ERBB4: variants seen among roughly 807,000 people sequenced by gnomAD.
ERBB4 encodes receptor tyrosine-protein kinase erbB-4.
Under a neutral mutation model 158.0 loss-of-function variants are expected in ERBB4, and 42 were observed. That is an observed-to-expected ratio of 0.27 (90% CI 0.21 to 0.34). ERBB4 has a LOEUF of 0.34. Ranked by LOEUF, ERBB4 falls within the 10% of genes least tolerant of loss-of-function variation. The probability of loss-of-function intolerance (pLI) is 1.00; values close to 1 mark genes in which losing one functional copy is unlikely to be tolerated. For synonymous variants in ERBB4, 583 were observed against 558.7 expected, an observed-to-expected ratio of 1.04 and a Z score of -0.61; for missense variants, 1,333 against 1,624.1, an observed-to-expected ratio of 0.82 and a Z score of 3.08.
intron 1 of ERBB4, among the ~76,000 whole-genome samples, chr2:212,483,070 C>A (rs1227928391): frequency 6.6e-6 from 1 of 152,164 alleles, no homozygotes; most frequent in African/African-American, 2.4e-5. Context: ...GCCAGAGAGG[C>A]CAATCATTTC....
At chr2:211,473,254 A>C (rs1377741913) in intron 20 of ERBB4, among the ~76,000 whole-genome samples, 1 of 152,230 alleles carries the variant, frequency 6.6e-6, no homozygotes, top group South Asian at 2.1e-4. Context: ...GAATGTTGGC[A>C]GCCACTGGAA....
chr2:211,887,882 G>A (rs1220412331), intron 3 of ERBB4, among the ~76,000 whole-genome samples: 1 of 152,162 alleles, frequency 6.6e-6, no homozygotes, highest in Non-Finnish European at 1.5e-5. Flanking sequence ...CATTATTGCT[G>A]AATAAATGAT....
rs112218119 is a variant in ERBB4 at position 211,687,283 on chromosome 2, T to C, written c.1490-8099A>G. ...TCGCACCACTGCACTCCAGCCTGGG[T>C]GACAGAGCAAGACTCCGTCTCAAAA... On this transcript the variant is annotated intron_variant, in intron 12 of 27. Coordinates refer to ENST00000342788, the MANE Select transcript of ERBB4 (RefSeq NM_005235.3). Among the ~76,000 whole-genome samples, 926 of 135,148 alleles carry C rather than the reference T, an allele frequency of 6.9e-3. 12 individuals are homozygous for C. The highest frequency in any genetic ancestry group is 0.024 in the African/African-American group (865 of 35,482). 88.7% of individuals were successfully genotyped at this position (135,148 alleles called of 152,430 possible).
intron 1 of ERBB4, among the ~76,000 whole-genome samples, chr2:212,466,754 C>T (rs927298569): frequency 3.3e-5 from 5 of 152,260 alleles, no homozygotes; most frequent in African/African-American, 1.2e-4. Flanking sequence ...AGAAAAGATA[C>T]CCCAAAATGT....
intron 1 of ERBB4, among the ~76,000 whole-genome samples, chr2:212,302,221 T>C (rs1422455523): frequency 1.3e-5 from 2 of 151,508 alleles, no homozygotes; most frequent in Non-Finnish European, 3.0e-5. Flanking sequence ...TGGGGTTTTA[T>C]ATCTAGATCA....
At chr2:211,572,540 G>A (rs1021628729) in intron 19 of ERBB4, among the ~76,000 whole-genome samples, 17 of 152,154 alleles carry the variant, frequency 1.1e-4, no homozygotes, top group African/African-American at 3.9e-4. Flanking sequence ...AATACTGAAT[G>A]AAGAACAGAG....
chr2:212,232,565 C>A (rs1017884969), intron 1 of ERBB4, among the ~76,000 whole-genome samples: 1 of 152,244 alleles, frequency 6.6e-6, no homozygotes, highest in African/African-American at 2.4e-5. Context: ...CCTGCCACCA[C>A]GCCTGGCTAA....
chr2:211,846,946 T>C (rs1340163076), intron 3 of ERBB4, among the ~76,000 whole-genome samples: 1 of 152,132 alleles, frequency 6.6e-6, no homozygotes, highest in East Asian at 1.9e-4. Context: ...AACAGTTGAG[T>C]GCTTCTTTTA....
At position 211,381,653 on chromosome 2, in the gene ERBB4, A is replaced by G. The variant is rs989421862; in HGVS notation, c.*1962T>C. The G allele has an allele frequency of 8.6e-6, 2 of 231,596 alleles. No homozygotes were observed. Among genetic ancestry groups the G allele is most frequent in the Non-Finnish European group, 1.7e-5 (2 of 117,126 alleles). 14.3% of individuals were successfully genotyped at this position (231,596 alleles called of 1,614,324 possible). A position where few individuals can be genotyped will look rare whatever the true frequency, so the allele number is the denominator to read the frequency against. ...CATGGTGCTTTTAGTAGACACAGTT[A>G]GATAAAGGAGGTTTGGATGGATGGA... is the stretch of plus-strand genomic sequence containing the variant. On this transcript the variant is annotated 3_prime_UTR_variant, in exon 28 of 28. Transcript: ENST00000342788.
intron 17 of ERBB4, among the ~76,000 whole-genome samples, chr2:211,628,717 T>C (rs1265147808): frequency 1.3e-5 from 2 of 152,258 alleles, no homozygotes; most frequent in African/African-American, 4.8e-5. Flanking sequence ...ATGGTATTTC[T>C]AGTTCCAGAT....
intron 1 of ERBB4, among the ~76,000 whole-genome samples, chr2:212,281,838 T>C (rs1023017129): frequency 2.0e-5 from 3 of 151,756 alleles, no homozygotes; most frequent in African/African-American, 7.3e-5. Context: ...CCTTCCAAAA[T>C]AGTAACAAGG....
intron 17 of ERBB4, among the ~76,000 whole-genome samples, chr2:211,626,952 A>T (rs937873166): frequency 6.0e-5 from 2 of 33,172 alleles, no homozygotes; most frequent in African/African-American, 1.5e-4. Context: ...ATAAATAAAA[A>T]AAATAAAAAA....
intron 1 of ERBB4, among the ~76,000 whole-genome samples, chr2:212,349,089 C>T (rs768899040): frequency 3.3e-5 from 5 of 151,850 alleles, no homozygotes; most frequent in Non-Finnish European, 5.9e-5. Context: ...AGTGGTGACA[C>T]GAATATAGGT....
At chr2:211,551,177 G>A (rs1437225305) in intron 20 of ERBB4, among the ~76,000 whole-genome samples, 1 of 152,106 alleles carries the variant, frequency 6.6e-6, no homozygotes, top group Non-Finnish European at 1.5e-5. Flanking sequence ...TGTGACCCTG[G>A]TAGAGTCACT....
chr2:211,840,795 TTGAAA>T (rs2077453192), intron 3 of ERBB4, among the ~76,000 whole-genome samples: 1 of 152,136 alleles, frequency 6.6e-6, no homozygotes, highest in Admixed American at 6.6e-5. Context: ...GGTTTTGTGC[TTGAAA>T]TATTATCTAA....
In ERBB4 at chr2:212,127,694, C is replaced by T. The variant is rs182437697; in HGVS notation, c.83-2791G>A. Among the ~76,000 whole-genome samples the T allele has an allele frequency of 1.1e-3, 173 of 152,112 alleles. 1 individual carries two copies. Among genetic ancestry groups the T allele is most frequent in the African/African-American group, 3.9e-3 (161 of 41,488 alleles). Reference sequence around the variant, plus strand: ...AGACAATTCTTTTTTCGATGTGGACCAGGGAAGCCAAAGATTGGACGGCCC... The same window carrying T: ...AGACAATTCTTTTTTCGATGTGGACTAGGGAAGCCAAAGATTGGACGGCCC... On this transcript the variant is annotated intron_variant, in intron 1 of 27. Coordinates refer to ENST00000342788, the MANE Select transcript of ERBB4 (RefSeq NM_005235.3).
At chr2:211,947,726 T>A in intron 2 of ERBB4, 110 bp from the exon 3 acceptor site, 1 of 861,270 alleles carries the variant, frequency 1.2e-6, no homozygotes, top group Non-Finnish European at 1.9e-6. Flanking sequence ...GTTTTTAGTT[T>A]AATACATTAT....
intron 2 of ERBB4, among the ~76,000 whole-genome samples, chr2:212,110,577 A>G (rs927332125): frequency 6.6e-6 from 1 of 152,358 alleles, no homozygotes; most frequent in East Asian, 1.9e-4. Context: ...GGCGAAGTCC[A>G]CTGATATCTA....
At chr2:212,045,741 G>A (rs900659901) in intron 2 of ERBB4, among the ~76,000 whole-genome samples, 5 of 152,118 alleles carry the variant, frequency 3.3e-5, no homozygotes, top group South Asian at 4.1e-4. Context: ...TGAACAAACC[G>A]CTACTGTGTC....
Sources: gnomAD v4.1 joint callset for allele counts (sites outside exome capture counted in the v4.1 genomes callset) on GRCh38, gnomAD v4.1.1 for gene constraint, MANE v1.5 for transcripts, NCBI Gene and HGNC (gene_info 2026-07-23, HGNC 2026-07-21) for gene names.